The following PTPRT variants were observed in gnomAD, a reference collection of about 807,000 sequenced individuals.
PTPRT encodes receptor-type tyrosine-protein phosphatase T.
A neutral mutation model predicts 176.8 loss-of-function variants in PTPRT; 56 were observed. The observed-to-expected ratio is 0.32, with a 90% confidence interval of 0.26 to 0.40. The LOEUF (loss-of-function observed/expected upper bound fraction) is 0.40, where lower values mean the gene tolerates loss of function less well. Among genes scored for constraint, PTPRT ranks in the 10% least tolerant of loss-of-function variants. PTPRT has a pLI of 1.00. For synonymous variants in PTPRT, 783 were observed against 739.0 expected, an observed-to-expected ratio of 1.06 and a Z score of -0.96; for missense variants, 1,540 against 1,908.2, an observed-to-expected ratio of 0.81 and a Z score of 3.60.
intron 7 of PTPRT, among the ~76,000 whole-genome samples, chr20:42,620,862 C>A (rs997073068): frequency 2.6e-5 from 4 of 152,306 alleles, no homozygotes; most frequent in Admixed American, 2.0e-4. Flanking sequence ...GTGAGATAAA[C>A]CCGGTACCTC....
At chr20:42,206,738 A>G (rs951725169) in intron 15 of PTPRT, among the ~76,000 whole-genome samples, 46 of 152,370 alleles carry the variant, frequency 3.0e-4, no homozygotes, top group Admixed American at 5.9e-4. Context: ...GCTTGCTTAG[A>G]TAAACAAAGC....
chr20:42,120,832 A>G (rs1280581959), intron 19 of PTPRT, among the ~76,000 whole-genome samples: 1 of 152,252 alleles, frequency 6.6e-6, no homozygotes, highest in Non-Finnish European at 1.5e-5. Context: ...AAATAAATAC[A>G]TGAGTGAATA....
At chr20:42,600,038 C>T (rs8124013) in intron 7 of PTPRT, among the ~76,000 whole-genome samples, 38,329 of 152,104 alleles carry the variant, frequency 0.25, 5,211 homozygotes, top group Non-Finnish European at 0.3. Flanking sequence ...CAGCCCTCTG[C>T]AGCCTTCAAA....
intron 7 of PTPRT, among the ~76,000 whole-genome samples, chr20:42,571,761 T>C (rs2073158653): frequency 6.6e-6 from 1 of 152,090 alleles, no homozygotes; most frequent in Admixed American, 6.5e-5. Context: ...CAACCCCCAC[T>C]GCCCCGGGGC....
intron 11 of PTPRT, among the ~76,000 whole-genome samples, chr20:42,323,182 C>A (rs2057827666): frequency 6.6e-6 from 1 of 152,180 alleles, no homozygotes; most frequent in Non-Finnish European, 1.5e-5. Context: ...CCAGTTCAAC[C>A]ATTGTAGAAG....
chr20:42,263,371 CTTTTTTTTTTTTTT>C (rs11477690), intron 13 of PTPRT, among the ~76,000 whole-genome samples: 99 of 50,986 alleles, frequency 1.9e-3, no homozygotes, highest in African/African-American at 0.01. Context: ...CCATGCCTGG[CTTTTTTTTTTTTTT>C]TTTTTTTTTT....
chr20:42,567,309 GA>G (rs530699223), intron 7 of PTPRT, among the ~76,000 whole-genome samples: 5 of 150,398 alleles, frequency 3.3e-5, no homozygotes, highest in South Asian at 2.1e-4. Flanking sequence ...GAGAGAGAGA[GA>G]AAAAAAACGA....
chr20:42,763,211 G>A (rs1034158836), intron 5 of PTPRT, among the ~76,000 whole-genome samples: 1 of 152,108 alleles, frequency 6.6e-6, no homozygotes, highest in Non-Finnish European at 1.5e-5. Flanking sequence ...CTCTCCTTTA[G>A]TGTCATGACA....
At chr20:42,501,773 C>A (rs981688537) in intron 7 of PTPRT, among the ~76,000 whole-genome samples, 1 of 152,014 alleles carries the variant, frequency 6.6e-6, no homozygotes, top group African/African-American at 2.4e-5. Context: ...CCAATTTATA[C>A]CCCCACTTCT....
At chr20:42,163,692 G>T (rs993027951) in intron 16 of PTPRT, among the ~76,000 whole-genome samples, 1 of 152,180 alleles carries the variant, frequency 6.6e-6, no homozygotes, top group Non-Finnish European at 1.5e-5. Flanking sequence ...AGAGATGAAG[G>T]CACATGTAGT....
chr20:42,186,964 G>A (rs767432554), intron 16 of PTPRT, among the ~76,000 whole-genome samples: 2 of 152,170 alleles, frequency 1.3e-5, no homozygotes, highest in Non-Finnish European at 2.9e-5. Flanking sequence ...CATCTCTCCT[G>A]AATGTATCCT....
At chr20:42,465,643 A>C (rs553919238) in intron 8 of PTPRT, among the ~76,000 whole-genome samples, 2 of 152,362 alleles carry the variant, frequency 1.3e-5, no homozygotes, top group East Asian at 3.9e-4. Flanking sequence ...AACTCTAAGA[A>C]AGATCAACCA....
At chr20:42,598,835 G>A (rs1389114071) in intron 7 of PTPRT, among the ~76,000 whole-genome samples, 2 of 152,304 alleles carry the variant, frequency 1.3e-5, no homozygotes, top group East Asian at 1.9e-4. Context: ...CCATCAGGCT[G>A]TAAGGGTACT....
At chr20:42,039,704 T>TATATATATATATATATATATATATATATA in the PTPRT span, among the ~76,000 whole-genome samples, 13 of 65,138 alleles carry the variant, frequency 2.0e-4, no homozygotes, top group Non-Finnish European at 3.9e-4. Flanking sequence ...ATATATATAG[T>TATATATATATATATATATATATATATATA]AATGTATATT....
intron 6 of PTPRT, among the ~76,000 whole-genome samples, chr20:42,694,413 G>A (rs2075841296): frequency 6.6e-6 from 1 of 152,146 alleles, no homozygotes; most frequent in African/African-American, 2.4e-5. Flanking sequence ...ATACATATGG[G>A]TCTATTGTTG....
intron 2 of PTPRT, among the ~76,000 whole-genome samples, chr20:42,844,252 TA>T (rs1424577860): frequency 6.6e-6 from 1 of 152,202 alleles, no homozygotes; most frequent in Non-Finnish European, 1.5e-5. Context: ...TTAGAAATCA[TA>T]GTGTTTTTCA....
In PTPRT at chr20:42,341,520, C is replaced by A. The variant is rs148990479; in HGVS notation, c.1865+9108G>T. 8.9e-3 allele frequency among the ~76,000 whole-genome samples: 1,361 copies of A among 152,280 alleles called. 46 individuals carry two copies. The highest frequency in any genetic ancestry group is 0.058 in the Admixed American group (892 of 15,292). ...TACAGCCCTGGTTTTCCTTCTACCTCTTTGGCCAGTCCTTCTCCATCTCCT... is the reference window on the plus strand; with the variant it reads ...TACAGCCCTGGTTTTCCTTCTACCTATTTGGCCAGTCCTTCTCCATCTCCT... On this transcript the variant is annotated intron_variant, in intron 11 of 30. Transcript: ENST00000373187.
chr20:42,455,176 A>G (rs2070898835), intron 8 of PTPRT, among the ~76,000 whole-genome samples: 1 of 152,228 alleles, frequency 6.6e-6, no homozygotes, highest in Admixed American at 6.5e-5. Context: ...TTTAAGTAAA[A>G]GTGAAATTGA....
chr20:42,437,122 T>A (rs866481453), intron 9 of PTPRT, among the ~76,000 whole-genome samples: 1 of 152,162 alleles, frequency 6.6e-6, no homozygotes, highest in Middle Eastern at 3.2e-3. Flanking sequence ...AGATCATAAG[T>A]AAATGTTAGG....
Sources: allele counts gnomAD v4.1 joint callset (sites outside exome capture counted in the v4.1 genomes callset), GRCh38; gene constraint gnomAD v4.1.1; transcripts MANE v1.5; gene names NCBI Gene and HGNC (gene_info 2026-07-23, HGNC 2026-07-21).